Variants in WDFY1 observed in about 807,000 individuals in gnomAD.
The protein encoded by WDFY1 is WD repeat and FYVE domain containing 1.
WDFY1 carries 32 observed loss-of-function variants against 56.4 expected under a neutral mutation model. That is an observed-to-expected ratio of 0.57 (90% CI 0.43 to 0.76). The LOEUF (loss-of-function observed/expected upper bound fraction) is 0.76, where lower values mean the gene tolerates loss of function less well. Among genes scored for constraint, WDFY1 ranks in the 30% least tolerant of loss-of-function variants. The pLI, the probability that WDFY1 is intolerant of heterozygous loss-of-function variation, is 0.00. For synonymous variants in WDFY1, 192 were observed against 197.3 expected, an observed-to-expected ratio of 0.97 and a Z score of 0.23; for missense variants, 480 against 545.7, an observed-to-expected ratio of 0.88 and a Z score of 1.20.
chr2:223,940,718 C>A (rs1432936028), intron 1 of WDFY1, among the ~76,000 whole-genome samples: 1 of 151,918 alleles, frequency 6.6e-6, no homozygotes, highest in East Asian at 1.9e-4. Flanking sequence ...TCTCAGCTCA[C>A]TGCAACCTCC....
chr2:223,902,963 G>A (rs1258179890), intron 4 of WDFY1, among the ~76,000 whole-genome samples: 1 of 151,824 alleles, frequency 6.6e-6, no homozygotes, highest in African/African-American at 2.4e-5. Context: ...TTTTTTCCTG[G>A]GAAGAGCCAT....
At position 223,884,764 on chromosome 2, in the gene WDFY1, A is replaced by C; in HGVS notation, c.832-15T>G. ...CACTGAGGAGCCTGGGGGAGCAGAA[A>C]GTCAAAGCCACCATCAGTGTGTCTA... On this transcript the variant is annotated splice_polypyrimidine_tract_variant and intron_variant, in intron 8 of 11. Transcript: ENST00000233055. 1 of 1,611,262 alleles carries C rather than the reference A, an allele frequency of 6.2e-7. No homozygotes were observed. Among genetic ancestry groups the C allele is most frequent in the Non-Finnish European group, 8.5e-7 (1 of 1,177,468 alleles).
intron 8 of WDFY1, among the ~76,000 whole-genome samples, chr2:223,886,493 G>A (rs990219287): frequency 3.3e-5 from 5 of 152,190 alleles, no homozygotes; most frequent in South Asian, 2.1e-4. Context: ...GGGAGGCCAA[G>A]GCAGGCGGAT....
intron 1 of WDFY1, among the ~76,000 whole-genome samples, chr2:223,937,422 G>C (rs9288585): frequency 0.43 from 65,566 of 151,988 alleles, 14,717 homozygotes; most frequent in Non-Finnish European, 0.5. Flanking sequence ...CAATTAAATG[G>C]AAAATAAATG....
intron 1 of WDFY1, 46 bp downstream of exon 1, chr2:223,945,102 C>A: frequency 6.5e-7 from 1 of 1,541,724 alleles, no homozygotes; most frequent in Non-Finnish European, 8.7e-7. Context: ...CCCCCACACC[C>A]CGTCGTCGCG....
intron 6 of WDFY1, among the ~76,000 whole-genome samples, chr2:223,897,784 T>A (rs1183083574): frequency 6.6e-6 from 1 of 152,070 alleles, no homozygotes; most frequent in Non-Finnish European, 1.5e-5. Context: ...ATCCCCTTGG[T>A]GCTCTCCTTG....
intron 6 of WDFY1, among the ~76,000 whole-genome samples, chr2:223,897,454 C>T (rs1309953660): frequency 6.7e-6 from 1 of 148,632 alleles, no homozygotes; most frequent in East Asian, 2.0e-4. Flanking sequence ...TCTTGGCTCA[C>T]TGCAACCTCT....
intron 1 of WDFY1, among the ~76,000 whole-genome samples, chr2:223,931,371 G>A (rs1379043040): frequency 6.6e-6 from 1 of 152,194 alleles, no homozygotes; most frequent in Admixed American, 6.5e-5. Context: ...GAAAAGTGGA[G>A]TTATAACCAC....
chr2:223,886,901 C>T (rs919670146), intron 8 of WDFY1, among the ~76,000 whole-genome samples: 1 of 151,988 alleles, frequency 6.6e-6, no homozygotes, highest in Non-Finnish European at 1.5e-5. Flanking sequence ...AAACTTTTGG[C>T]CTTCCTATTT....
At chr2:223,892,564 G>C (rs1039470060) in intron 8 of WDFY1, among the ~76,000 whole-genome samples, 23 of 152,096 alleles carry the variant, frequency 1.5e-4, no homozygotes, top group African/African-American at 5.1e-4. Flanking sequence ...CTGGAAATGA[G>C]TAATGTCACC....
At chr2:223,935,006 G>A (rs1399836647) in intron 1 of WDFY1, among the ~76,000 whole-genome samples, 1 of 152,172 alleles carries the variant, frequency 6.6e-6, no homozygotes, top group African/African-American at 2.4e-5. Context: ...AGTTAATCAA[G>A]CAAATGAAAC....
At chr2:223,931,609 G>A (rs978808486) in intron 1 of WDFY1, among the ~76,000 whole-genome samples, 1 of 152,108 alleles carries the variant, frequency 6.6e-6, no homozygotes, top group Non-Finnish European at 1.5e-5. Context: ...ATAGATTCAA[G>A]GTACAATTTT....
At chr2:223,886,261 C>A (rs1253843308) in intron 8 of WDFY1, among the ~76,000 whole-genome samples, 1 of 151,838 alleles carries the variant, frequency 6.6e-6, no homozygotes, top group Non-Finnish European at 1.5e-5. Flanking sequence ...ATCACTTGAA[C>A]CCAGGAGGCG....
Position 223,945,229 on chromosome 2 carries a change from T to C in WDFY1, c.56A>G (p.Lys19Arg). The change falls in exon 1 of 12, where the codon AAG becomes AGG. Residue 19 changes from lysine (K) to arginine (R), a missense_variant. Lys to Arg is a conservative substitution (Grantham distance 26). Coordinates refer to ENST00000233055, the MANE Select transcript of WDFY1 (RefSeq NM_020830.5). ...GACGGCGTCCTGGTGCCCCTCGATC[T>C]TGCTCAGCAGCACCGGGCGGCTGCT... ...PQSSRPVLLSKIEGHQDAVTA... is the reference protein window; with the variant it reads ...PQSSRPVLLSRIEGHQDAVTA... 1.3e-6 allele frequency: 2 copies of C among 1,597,508 alleles called. No homozygotes were observed. Among genetic ancestry groups the C allele is most frequent in the Non-Finnish European group, 8.5e-7 (1 of 1,175,134 alleles).
intron 1 of WDFY1, among the ~76,000 whole-genome samples, chr2:223,926,646 A>ATG (rs61402571): frequency 0.056 from 8,104 of 144,872 alleles, 388 homozygotes; most frequent in African/African-American, 0.15. Flanking sequence ...ATATACAAAT[A>ATG]TGTGCGTGTG....
At chr2:223,941,736 T>C (rs1689308934) in intron 1 of WDFY1, among the ~76,000 whole-genome samples, 1 of 152,144 alleles carries the variant, frequency 6.6e-6, no homozygotes, top group Admixed American at 6.5e-5. Flanking sequence ...CAAGGTAGTG[T>C]GGCTTTTGAC....
chr2:223,940,031 C>G (rs1434735754), intron 1 of WDFY1, among the ~76,000 whole-genome samples: 1 of 152,230 alleles, frequency 6.6e-6, no homozygotes, highest in Non-Finnish European at 1.5e-5. Flanking sequence ...CTGGACCCTA[C>G]TTTAAATGTA....
At chr2:223,944,604 T>A (rs1559179174) in intron 1 of WDFY1, among the ~76,000 whole-genome samples, 1 of 146,228 alleles carries the variant, frequency 6.8e-6, no homozygotes, top group East Asian at 2.1e-4. Flanking sequence ...AGTGGCGCGG[T>A]GGGACAGAGT....
chr2:223,922,020 C>T (rs957953546), intron 1 of WDFY1, among the ~76,000 whole-genome samples: 3 of 152,176 alleles, frequency 2.0e-5, no homozygotes. Context: ...ATGCTCAGAA[C>T]CCACCAGTGG....
Sources: gnomAD v4.1 joint callset for allele counts (sites outside exome capture counted in the v4.1 genomes callset) on GRCh38, gnomAD v4.1.1 for gene constraint, MANE v1.5 for transcripts, NCBI Gene and HGNC (gene_info 2026-07-23, HGNC 2026-07-21) for gene names.